Variants in PXDN observed in about 807,000 individuals in gnomAD.
PXDN encodes peroxidasin homolog.
A neutral mutation model predicts 140.3 loss-of-function variants in PXDN; 77 were observed. The observed-to-expected ratio is 0.55, with a 90% CI of 0.46 to 0.66. The LOEUF (loss-of-function observed/expected upper bound fraction) is 0.66. Among genes scored for constraint, PXDN ranks in the 30% least tolerant of loss-of-function variants. The pLI is 0.00. For missense variants in PXDN, 1,838 were observed against 2,039.5 expected, an observed-to-expected ratio of 0.90 and a Z score of 1.90; for synonymous variants, 911 against 857.4, an observed-to-expected ratio of 1.06 and a Z score of -1.09.
At chr2:1,673,135 A>G (rs1322329846) in intron 9 of PXDN, among the ~76,000 whole-genome samples, 1 of 152,260 alleles carries the variant, frequency 6.6e-6, no homozygotes, top group African/African-American at 2.4e-5. Flanking sequence ...GAGAGGCCAC[A>G]GCTGGACTTG....
In PXDN at chr2:1,666,389, C is replaced by A. The variant is rs1413000479; in HGVS notation, c.1116G>T (p.Arg372=). Residue 372 remains arginine, a synonymous_variant, in exon 10 of 23, where the codon CGG becomes CGT. Coordinates refer to ENST00000252804, the MANE Select transcript of PXDN (RefSeq NM_012293.3). ...TGCGGTCACCTCTCGTCCAGGAGAT[C>A]CGCGGCGGGGGGTGGCCTGTGGCGC... ...ECSATGHPPP[R]ISWTRGDRTP... 2 of 1,613,528 alleles carry A rather than the reference C, an allele frequency of 1.2e-6. No individual in the cohort carries two copies. The highest frequency in any genetic ancestry group is 2.2e-5 in the East Asian group (1 of 44,872).
chr2:1,650,784 G>T (rs919990427), intron 16 of PXDN, among the ~76,000 whole-genome samples: 1 of 152,020 alleles, frequency 6.6e-6, no homozygotes, highest in Non-Finnish European at 1.5e-5. Flanking sequence ...ACACTTTCAC[G>T]TGTGCACATA....
intron 1 of PXDN, among the ~76,000 whole-genome samples, chr2:1,731,551 T>C (rs951278275): frequency 1.3e-5 from 2 of 152,178 alleles, no homozygotes; most frequent in Non-Finnish European, 1.5e-5. Flanking sequence ...GCTGGGATCC[T>C]TGGGTCAATG....
chr2:1,726,845 T>A (rs1323114371), intron 1 of PXDN, among the ~76,000 whole-genome samples: 1 of 152,234 alleles, frequency 6.6e-6, no homozygotes, highest in Non-Finnish European at 1.5e-5. Flanking sequence ...AATTTCCGTT[T>A]TTATTGTCCG....
chr2:1,709,720 G>A (rs764878077), intron 1 of PXDN, among the ~76,000 whole-genome samples: 18 of 152,182 alleles, frequency 1.2e-4, no homozygotes, highest in East Asian at 7.7e-4. Flanking sequence ...TGGAGGCCAC[G>A]CACTTTAGAT....
At chr2:1,707,523 T>C (rs186614366) in intron 1 of PXDN, among the ~76,000 whole-genome samples, 2 of 152,358 alleles carry the variant, frequency 1.3e-5, no homozygotes, top group Admixed American at 1.3e-4. Flanking sequence ...GATTTAATTG[T>C]GATATGTCTG....
Position 1,654,445 on chromosome 2 carries a change from G to T in PXDN, c.1901C>A (p.Thr634Asn). ...VATSIVEAIA[T>N]VDRAINSTRT... ...GGTTGAGTTTATAGCTCTGTCAACAGTCGCAATCGCTTCCACGATGGAGGT... is the reference window on the plus strand; with the variant it reads ...GGTTGAGTTTATAGCTCTGTCAACATTCGCAATCGCTTCCACGATGGAGGT... Residue 634 changes from threonine (T) to asparagine (N), a missense_variant, in exon 15 of 23, where the codon ACT becomes AAT. Coordinates refer to ENST00000252804, the MANE Select transcript of PXDN (RefSeq NM_012293.3). 6.2e-7 allele frequency: 1 copy of T among 1,613,866 alleles called. No individual in the cohort carries two copies. Among genetic ancestry groups the T allele is most frequent in the Non-Finnish European group, 8.5e-7 (1 of 1,179,758 alleles).
At chr2:1,697,947 T>C (rs115708051) in intron 1 of PXDN, among the ~76,000 whole-genome samples, 260 of 152,294 alleles carry the variant, frequency 1.7e-3, no homozygotes, top group African/African-American at 6.0e-3. Context: ...AACCTATAAG[T>C]GGCGTGATTA....
In PXDN at chr2:1,664,945, G is replaced by C. The variant is rs1444347272; in HGVS notation, c.1408+13C>G. The C allele has an allele frequency of 6.3e-7, 1 of 1,579,314 alleles. No individual in the cohort carries two copies. Among genetic ancestry groups the C allele is most frequent in the Non-Finnish European group, 8.7e-7 (1 of 1,152,402 alleles). ...CGCGGAGGGAGCAGGCAAAGGGCCG[G>C]CCTGGGTCTTACCTCCCTTGGTCCA... On this transcript the variant is annotated intron_variant, in intron 11 of 22. Transcript: ENST00000252804.
intron 1 of PXDN, among the ~76,000 whole-genome samples, chr2:1,716,453 A>AAC (rs1553369183): frequency 7.5e-6 from 1 of 133,108 alleles, no homozygotes; most frequent in African/African-American, 3.5e-5. Flanking sequence ...AAAAAAAAAA[A>AAC]AAAAAAAAAA....
At chr2:1,733,399 T>C (rs2125491997) in intron 1 of PXDN, among the ~76,000 whole-genome samples, 1 of 152,146 alleles carries the variant, frequency 6.6e-6, no homozygotes, top group South Asian at 2.1e-4. Context: ...TGACACGATA[T>C]GGGTGTCAGT....
At chr2:1,698,915 A>G (rs141125851) in intron 1 of PXDN, among the ~76,000 whole-genome samples, 1 of 152,344 alleles carries the variant, frequency 6.6e-6, no homozygotes, top group East Asian at 1.9e-4. Context: ...TACATTTAAA[A>G]AGCAAGTGAA....
intron 6 of PXDN, 105 bp from the exon 7 acceptor site, chr2:1,680,467 C>G: frequency 7.1e-7 from 1 of 1,403,444 alleles, no homozygotes; most frequent in Non-Finnish European, 9.9e-7. Flanking sequence ...ATGTGCCAGG[C>G]CTGCCAGGCT....
intron 14 of PXDN, among the ~76,000 whole-genome samples, chr2:1,658,412 G>A (rs1039827973): frequency 5.3e-5 from 8 of 151,922 alleles, no homozygotes; most frequent in Non-Finnish European, 1.2e-4. Flanking sequence ...GACACTGACA[G>A]AGCCCAGCAG....
chr2:1,679,337 G>GGT (rs1186797796), intron 7 of PXDN, among the ~76,000 whole-genome samples: 8 of 148,470 alleles, frequency 5.4e-5, no homozygotes, highest in Non-Finnish European at 1.5e-5. Flanking sequence ...GTGTGTAAAT[G>GGT]GTGTGTGTGT....
rs1367007019 is a variant in PXDN at position 1,744,278 on chromosome 2, C to G, written c.178G>C (p.Val60Leu). The change falls in exon 1 of 23, where the codon GTG becomes CTG. Residue 60 changes from valine (V) to leucine (L), a missense_variant. Val to Leu is a conservative substitution (Grantham distance 32). Transcript: ENST00000252804. ...MHLLLEAVPA[V>L]APQTSILDLR... ...CACAGGATGGAGGTCTGCGGCGCCA[C>G]GGCGGGCACGGCCTCCAGCAGCAGA... The G allele has an allele frequency of 5.3e-6, 8 of 1,519,086 alleles. No homozygotes were observed. The African/African-American group carries it at 9.9e-5, about 19-fold the overall frequency. 94.1% of individuals were successfully genotyped at this position (1,519,086 alleles called of 1,614,324 possible).
At chr2:1,673,858 G>A (rs747244824) in intron 8 of PXDN, 46 bp from the exon 9 acceptor site, 6 of 1,599,902 alleles carry the variant, frequency 3.8e-6, no homozygotes, top group Non-Finnish European at 5.1e-6. Flanking sequence ...AAAGCACAAA[G>A]ACGTACCTCA....
intron 1 of PXDN, among the ~76,000 whole-genome samples, chr2:1,720,724 TCACACACACACA>T (rs1221326586): frequency 1.8e-4 from 5 of 28,114 alleles, no homozygotes; most frequent in African/African-American, 3.7e-4. Flanking sequence ...TCTCTCTCTC[TCACACACACACA>T]CACACACACA....
chr2:1,668,196 G>A (rs1301450065), intron 9 of PXDN, among the ~76,000 whole-genome samples: 3 of 152,140 alleles, frequency 2.0e-5, no homozygotes, highest in Admixed American at 1.3e-4. Context: ...AACAAGCAAT[G>A]GGGAAAGGAT....
Sources: allele counts gnomAD v4.1 joint callset (sites outside exome capture counted in the v4.1 genomes callset), GRCh38; gene constraint gnomAD v4.1.1; transcripts MANE v1.5; gene names NCBI Gene and HGNC (gene_info 2026-07-23, HGNC 2026-07-21).